The following MAGI3 variants were observed in gnomAD, a reference collection of about 807,000 sequenced individuals.
The protein encoded by MAGI3 is membrane associated guanylate kinase, WW and PDZ domain containing 3.
Under a neutral mutation model 121.8 loss-of-function variants are expected in MAGI3, and 43 were observed. The observed-to-expected ratio is 0.35, with a 90% CI of 0.28 to 0.46. The LOEUF is 0.46. Among genes scored for constraint, MAGI3 ranks in the 20% least tolerant of loss-of-function variants. The pLI, the probability that MAGI3 is intolerant of heterozygous loss-of-function variation, is 1.00. For missense variants in MAGI3, 1,547 were observed against 1,797.3 expected (o/e 0.86, Z 2.52); for synonymous variants, 553 against 639.3 (o/e 0.86, Z 2.04).
intron 6 of MAGI3, among the ~76,000 whole-genome samples, chr1:113,596,055 CTAATAA>C (rs1259920331): frequency 6.9e-5 from 6 of 87,526 alleles, no homozygotes; most frequent in African/African-American, 1.2e-4. Flanking sequence ...AATACTAATA[CTAATAA>C]TAATTGACAA....
At chr1:113,531,852 A>G (rs1054925790) in intron 1 of MAGI3, among the ~76,000 whole-genome samples, 2 of 152,196 alleles carry the variant, frequency 1.3e-5, no homozygotes, top group African/African-American at 4.8e-5. Flanking sequence ...CTAAGGAACT[A>G]AAACAACTTC....
chr1:113,562,273 G>A (rs972206867), intron 2 of MAGI3, among the ~76,000 whole-genome samples: 1 of 152,138 alleles, frequency 6.6e-6, no homozygotes, highest in African/African-American at 2.4e-5. Flanking sequence ...CATGGTGGCG[G>A]GCGCCAATAG....
chr1:113,434,878 A>G (rs987515690), intron 1 of MAGI3, among the ~76,000 whole-genome samples: 3 of 152,192 alleles, frequency 2.0e-5, no homozygotes, highest in African/African-American at 7.2e-5. Context: ...GTTTAGTATC[A>G]TTCTGCTTTT....
intron 1 of MAGI3, chr1:113,404,006 A>C (rs1229009181): frequency 6.6e-6 from 1 of 152,168 alleles, no homozygotes; most frequent in Non-Finnish European, 1.5e-5. Flanking sequence ...TTCTCTTTTC[A>C]TAATGGCCTG....
intron 6 of MAGI3, among the ~76,000 whole-genome samples, chr1:113,613,381 G>A (rs1456228821): frequency 2.0e-5 from 3 of 151,958 alleles, no homozygotes; most frequent in Non-Finnish European, 4.4e-5. Flanking sequence ...ATGGGGTAGG[G>A]GTAATTCAGA....
chr1:113,394,324 C>G (rs996720814), intron 1 of MAGI3, among the ~76,000 whole-genome samples: 20 of 152,104 alleles, frequency 1.3e-4, no homozygotes, highest in African/African-American at 4.8e-4. Context: ...AGTACTTTGC[C>G]CGCTTATAGA....
chr1:113,476,530 T>C (rs1420443749), intron 1 of MAGI3, among the ~76,000 whole-genome samples: 1 of 152,190 alleles, frequency 6.6e-6, no homozygotes, highest in Admixed American at 6.5e-5. Context: ...AGTTGTGCAG[T>C]TTTGAGTGAG....
intron 9 of MAGI3, among the ~76,000 whole-genome samples, chr1:113,626,013 T>C (rs1224222426): frequency 6.6e-6 from 1 of 152,192 alleles, no homozygotes; most frequent in Non-Finnish European, 1.5e-5. Flanking sequence ...TCACCCAGGC[T>C]GGAGGGCAGT....
intron 1 of MAGI3, among the ~76,000 whole-genome samples, chr1:113,528,136 C>G (rs1369791808): frequency 6.6e-6 from 1 of 152,102 alleles, no homozygotes; most frequent in East Asian, 1.9e-4. Context: ...ATATTAGCTA[C>G]TATCCAGTTT....
Position 113,683,585 on chromosome 1 carries a change from A to C in MAGI3, c.4017A>C (p.Lys1339Asn). Residue 1339 changes from lysine to asparagine, a missense_variant, in exon 21 of 21, where the codon AAA becomes AAC. By Grantham distance (94) the Lys-to-Asn change is moderately conservative (BLOSUM62 0). Coordinates refer to ENST00000307546, the MANE Select transcript of MAGI3 (RefSeq NM_001142782.2). ...DGKEKSDVIR[K>N]DAKQNQLEKS... is the part of the protein sequence containing the mutation. ...AGGAAAAATCAGACGTCATCAGGAA[A>C]GATGCAAAGCAGAATCAGTTGGAAA... 1 of 1,613,966 alleles carries C rather than the reference A, an allele frequency of 6.2e-7. No homozygotes were observed. Among genetic ancestry groups the C allele is most frequent in the African/African-American group, 1.3e-5 (1 of 75,062 alleles).
intron 1 of MAGI3, among the ~76,000 whole-genome samples, chr1:113,510,162 G>T (rs556841352): frequency 6.6e-6 from 1 of 152,074 alleles, no homozygotes; most frequent in African/African-American, 2.4e-5. Flanking sequence ...CATAAAAAAT[G>T]CAATTTTTAA....
intron 7 of MAGI3, chr1:113,618,627 T>A (rs781039968): frequency 1.3e-4 from 51 of 385,200 alleles, no homozygotes; most frequent in South Asian, 4.7e-4. Flanking sequence ...TACCTCAGCT[T>A]CCTGAGTAGC....
chr1:113,618,906 T>G (rs1381583122), intron 7 of MAGI3, among the ~76,000 whole-genome samples: 1 of 152,256 alleles, frequency 6.6e-6, no homozygotes, highest in Non-Finnish European at 1.5e-5. Context: ...TTAGACCTAT[T>G]CGAGGTCCTA....
At chr1:113,580,971 ATTGCATTTTATTTGTGG>A (rs1647987800) in intron 3 of MAGI3, 1 of 162,340 alleles carries the variant, frequency 6.2e-6, no homozygotes, top group African/African-American at 2.4e-5. Flanking sequence ...GTATTTGTTG[ATTGCATTTTATTTGTGG>A]TTGGAATTCA....
At chr1:113,509,521 A>C (rs1308492819) in intron 1 of MAGI3, among the ~76,000 whole-genome samples, 1 of 132,896 alleles carries the variant, frequency 7.5e-6, no homozygotes, top group African/African-American at 2.8e-5. Flanking sequence ...ACACAAACAA[A>C]AAAGGAACCT....
At chr1:113,438,561 C>T (rs1169628757) in intron 1 of MAGI3, among the ~76,000 whole-genome samples, 1 of 152,152 alleles carries the variant, frequency 6.6e-6, no homozygotes, top group Admixed American at 6.6e-5. Flanking sequence ...GGCTGTACAG[C>T]AAGCATGGTA....
Position 113,414,797 on chromosome 1 carries a change from C to T in MAGI3, c.316+23448C>T, listed in dbSNP as rs1311351083. The stretch of plus-strand genomic sequence containing the variant: ...AAAAATAAAATAGTTACATTTACTA[C>T]TTAGTATTAATAATAAAACTGTTTG... On this transcript the variant is annotated intron_variant, in intron 1 of 20. Coordinates refer to ENST00000307546, the MANE Select transcript of MAGI3 (RefSeq NM_001142782.2). Among the ~76,000 whole-genome samples, 4 of 151,890 alleles carry T rather than the reference C, an allele frequency of 2.6e-5. No homozygotes were observed. The East Asian group carries it at 7.7e-4, about 29-fold the overall frequency.
chr1:113,614,795 G>A (rs1650359049), intron 7 of MAGI3, 137 bp downstream of exon 7: 2 of 582,604 alleles, frequency 3.4e-6, no homozygotes, highest in Admixed American at 7.8e-5. Flanking sequence ...GAAAAGGTAG[G>A]GGCAGTGAGC....
intron 6 of MAGI3, among the ~76,000 whole-genome samples, chr1:113,597,218 G>A (rs560099191): frequency 6.4e-4 from 98 of 152,262 alleles, no homozygotes; most frequent in Admixed American, 9.8e-4. Context: ...AGACATAATA[G>A]GCCAGATATT....
Sources: allele counts gnomAD v4.1 joint callset (sites outside exome capture counted in the v4.1 genomes callset), GRCh38; gene constraint gnomAD v4.1.1; transcripts MANE v1.5; gene names NCBI Gene and HGNC (gene_info 2026-07-23, HGNC 2026-07-21).